The following SLC41A2 variants were observed in gnomAD, a reference collection of about 807,000 sequenced individuals.
SLC41A2 encodes the protein solute carrier family 41 member 2.
Under a neutral mutation model 58.3 loss-of-function variants are expected in SLC41A2, and 32 were observed. That is an observed-to-expected ratio of 0.55 (90% CI 0.41 to 0.74). The LOEUF is 0.74. SLC41A2 is among the 30% of genes least tolerant of loss of function. SLC41A2 has a pLI of 0.00. For missense variants in SLC41A2, 514 were observed against 680.6 expected (o/e 0.76, Z 2.72); for synonymous variants, 190 against 235.0 (o/e 0.81, Z 1.75).
chr12:104,837,505 T>A (rs919369673), intron 10 of SLC41A2, among the ~76,000 whole-genome samples: 1 of 151,996 alleles, frequency 6.6e-6, no homozygotes, highest in African/African-American at 2.4e-5. Context: ...ATGTGTTGAG[T>A]GTGAGATGTC....
At chr12:104,905,657 C>T (rs2045804875) in intron 3 of SLC41A2, among the ~76,000 whole-genome samples, 1 of 152,224 alleles carries the variant, frequency 6.6e-6, no homozygotes, top group Admixed American at 6.5e-5. Flanking sequence ...AGCCCTGCCC[C>T]GTGGGAAGGC....
intron 10 of SLC41A2, among the ~76,000 whole-genome samples, chr12:104,808,600 T>G (rs1380277658): frequency 2.0e-5 from 3 of 152,286 alleles, no homozygotes; most frequent in Non-Finnish European, 4.4e-5. Context: ...TTAGGGAGGA[T>G]TCCCTCTTTT....
chr12:104,915,841 T>C (rs1357162995), intron 2 of SLC41A2, among the ~76,000 whole-genome samples: 2 of 152,230 alleles, frequency 1.3e-5, no homozygotes, highest in Admixed American at 1.3e-4. Flanking sequence ...CATCCCTGTC[T>C]TGTGACACTT....
intron 4 of SLC41A2, among the ~76,000 whole-genome samples, chr12:104,891,117 G>T (rs1412445147): frequency 6.6e-6 from 1 of 152,028 alleles, no homozygotes; most frequent in Non-Finnish European, 1.5e-5. Flanking sequence ...TCTCACTTTT[G>T]TCTACTTGTG....
intron 3 of SLC41A2, among the ~76,000 whole-genome samples, chr12:104,906,708 TAAATGCTTAAAAAGCATTTA>T (rs879421744): frequency 3.3e-5 from 5 of 152,242 alleles, no homozygotes; most frequent in East Asian, 1.9e-4. Context: ...GCCTAGCTGT[TAAATGCTTAAAAAGCATTTA>T]AAATGCTTTT....
chr12:104,943,163 C>A (rs2047576232), intron 1 of SLC41A2, among the ~76,000 whole-genome samples: 1 of 152,010 alleles, frequency 6.6e-6, no homozygotes, highest in Admixed American at 6.6e-5. Flanking sequence ...GGAAAAAAAG[C>A]AAAAACCTTC....
In SLC41A2 at chr12:104,803,066, G is replaced by C. The variant is rs141331124; in HGVS notation, c.*2086C>G. 1 of 152,106 alleles carries C rather than the reference G, an allele frequency of 6.6e-6. No homozygotes were observed. Among genetic ancestry groups the C allele is most frequent in the African/African-American group, 2.4e-5 (1 of 41,426 alleles). 9.4% of individuals were successfully genotyped at this position (152,106 alleles called of 1,614,324 possible). A position where few individuals can be genotyped will look rare whatever the true frequency, so the allele number is the denominator to read the frequency against. ...ACTACTGTGAGTATTAAATGATATT[G>C]TGTGTTTGTGCACTGGAATGTGTAA... On this transcript the variant is annotated 3_prime_UTR_variant, in exon 11 of 11. Transcript: ENST00000258538.
intron 10 of SLC41A2, among the ~76,000 whole-genome samples, chr12:104,811,379 T>G (rs2136203132): frequency 6.6e-6 from 1 of 152,264 alleles, no homozygotes; most frequent in Middle Eastern, 3.4e-3. Flanking sequence ...TGAATATATC[T>G]CAAAAGCACA....
chr12:104,902,091 T>C (rs1003075011), intron 3 of SLC41A2, among the ~76,000 whole-genome samples: 1 of 152,088 alleles, frequency 6.6e-6, no homozygotes, highest in Non-Finnish European at 1.5e-5. Context: ...AAACAAATAC[T>C]ACATAAAAAA....
chr12:104,928,883 A>G (rs1021308836), intron 1 of SLC41A2, among the ~76,000 whole-genome samples, 189 bp from the exon 2 acceptor site: 1 of 152,230 alleles, frequency 6.6e-6, no homozygotes, highest in Non-Finnish European at 1.5e-5. Context: ...GTACAGAAAT[A>G]TAATACAGAG....
intron 3 of SLC41A2, among the ~76,000 whole-genome samples, chr12:104,907,431 C>A (rs375167742): frequency 1.4e-4 from 21 of 152,204 alleles, no homozygotes; most frequent in East Asian, 1.3e-3. Flanking sequence ...GACTGATACC[C>A]CCAAACATCA....
At chr12:104,948,701 G>A (rs1475758337) in intron 1 of SLC41A2, among the ~76,000 whole-genome samples, 2 of 152,166 alleles carry the variant, frequency 1.3e-5, no homozygotes, top group South Asian at 4.1e-4. Flanking sequence ...ATCCTCTGGC[G>A]CCAGTGTACA....
intron 6 of SLC41A2, among the ~76,000 whole-genome samples, chr12:104,878,714 G>C (rs1174115974): frequency 6.6e-6 from 1 of 152,106 alleles, no homozygotes; most frequent in East Asian, 1.9e-4. Flanking sequence ...GTCTATCATT[G>C]TTGGACATTT....
At chr12:104,922,434 A>G (rs2046640696) in intron 2 of SLC41A2, among the ~76,000 whole-genome samples, 2 of 152,192 alleles carry the variant, frequency 1.3e-5, no homozygotes, top group South Asian at 2.1e-4. Context: ...AGACCACTAT[A>G]TAATGATAAA....
At chr12:104,938,512 G>A (rs762615849) in intron 1 of SLC41A2, among the ~76,000 whole-genome samples, 2 of 152,170 alleles carry the variant, frequency 1.3e-5, no homozygotes, top group Non-Finnish European at 2.9e-5. Flanking sequence ...TTGGCCATCA[G>A]AATAAGAGCA....
chr12:104,944,949 T>A (rs1173463630), intron 1 of SLC41A2, among the ~76,000 whole-genome samples: 1 of 150,380 alleles, frequency 6.6e-6, no homozygotes, highest in Non-Finnish European at 1.5e-5. Context: ...AGTGGGCATA[T>A]CACGTGAGGT....
Position 104,863,923 on chromosome 12 carries a change from A to AC in SLC41A2, c.1175+2508dup, listed in dbSNP as rs1355308937. On this transcript the variant is annotated intron_variant, in intron 7 of 10. Transcript: ENST00000258538. ...ACATGTGTAACTAAGTTTATGAAGT[A>AC]CCTTTCAATACAGTCAAACTCATCA... 4.0e-5 allele frequency among the ~76,000 whole-genome samples: 6 copies of AC among 150,518 alleles called. No homozygotes were observed. The East Asian group carries it at 1.2e-3, about 29-fold the overall frequency.
At chr12:104,925,919 AATTAT>A (rs2046818823) in intron 2 of SLC41A2, among the ~76,000 whole-genome samples, 1 of 152,216 alleles carries the variant, frequency 6.6e-6, no homozygotes, top group African/African-American at 2.4e-5. Flanking sequence ...AACCTAAAAC[AATTAT>A]ATTTCAAGTG....
chr12:104,808,760 A>G (rs1026481247), intron 10 of SLC41A2, among the ~76,000 whole-genome samples: 1 of 152,186 alleles, frequency 6.6e-6, no homozygotes, highest in African/African-American at 2.4e-5. Flanking sequence ...TTATTGGTCT[A>G]TTCAGAGATT....
Sources: allele counts gnomAD v4.1 joint callset (sites outside exome capture counted in the v4.1 genomes callset), GRCh38; gene constraint gnomAD v4.1.1; transcripts MANE v1.5; gene names NCBI Gene and HGNC (gene_info 2026-07-23, HGNC 2026-07-21).